The following SHLD1 variants were observed in gnomAD, a reference collection of about 807,000 sequenced individuals.
SHLD1 encodes the protein shieldin complex subunit 1.
A neutral mutation model predicts 5.5 loss-of-function variants in SHLD1; 3 were observed. The observed-to-expected ratio is 0.54, with a 90% CI of 0.25 to 1.40. The LOEUF (loss-of-function observed/expected upper bound fraction) is 1.40. SHLD1 is among the 40% of genes most tolerant of loss of function. The pLI, the probability that SHLD1 is intolerant of heterozygous loss-of-function variation, is 0.15. For synonymous variants in SHLD1, 92 were observed against 94.3 expected, an observed-to-expected ratio of 0.98 and a Z score of 0.14; for missense variants, 210 against 244.4, an observed-to-expected ratio of 0.86 and a Z score of 0.94.
chr20:5,788,609 T>C (rs919073319), intron 2 of SHLD1, among the ~76,000 whole-genome samples: 1 of 152,216 alleles, frequency 6.6e-6, no homozygotes, highest in Admixed American at 6.5e-5. Context: ...ACGTACCAGA[T>C]GTGTGTTAAA....
In SHLD1 at chr20:5,863,555, C is replaced by T; in HGVS notation, c.*92C>T. 7.7e-7 allele frequency: 1 copy of T among 1,297,946 alleles called. No homozygotes were observed. Among genetic ancestry groups the T allele is most frequent in the South Asian group, 1.4e-5 (1 of 69,826 alleles). The allele number at this position is 1,297,946 out of a possible 1,614,324, so 80.4% of individuals were successfully genotyped here. ...ACCCAGATCCCCTAGGGTCTCTGGC[C>T]AGCTCTGTGTGCCCAATCCCAATTA... On this transcript the variant is annotated 3_prime_UTR_variant, in exon 3 of 3. Coordinates refer to ENST00000303142, the MANE Select transcript of SHLD1 (RefSeq NM_152504.4).
intron 2 of SHLD1, among the ~76,000 whole-genome samples, chr20:5,814,469 T>C (rs1003422081): frequency 1.3e-5 from 2 of 152,142 alleles, no homozygotes; most frequent in Non-Finnish European, 2.9e-5. Flanking sequence ...TTAAATGTTC[T>C]AGAATTTAAA....
At chr20:5,844,799 A>ATTTTTTT (rs1161478171) in intron 2 of SHLD1, among the ~76,000 whole-genome samples, 15 of 71,714 alleles carry the variant, frequency 2.1e-4, no homozygotes, top group East Asian at 1.9e-3. Context: ...ATATATATAT[A>ATTTTTTT]TTTTTTTTTT....
intron 2 of SHLD1, among the ~76,000 whole-genome samples, chr20:5,833,092 A>G (rs2087748693): frequency 6.6e-6 from 1 of 152,160 alleles, no homozygotes; most frequent in Non-Finnish European, 1.5e-5. Context: ...TGCATACACC[A>G]TACAGTGCTA....
chr20:5,815,534 C>A (rs2087518361), intron 2 of SHLD1, among the ~76,000 whole-genome samples: 1 of 152,106 alleles, frequency 6.6e-6, no homozygotes, highest in Admixed American at 6.5e-5. Context: ...GTACAGCCTG[C>A]AAGCTAATAA....
intron 1 of SHLD1, among the ~76,000 whole-genome samples, chr20:5,764,208 T>TA (rs772401582): frequency 1.6e-5 from 1 of 61,920 alleles, no homozygotes; most frequent in African/African-American, 8.1e-5. Context: ...TATATATATA[T>TA]TTGTGTGTGT....
chr20:5,836,413 T>A (rs1026328646), intron 2 of SHLD1, among the ~76,000 whole-genome samples: 1 of 151,990 alleles, frequency 6.6e-6, no homozygotes, highest in Non-Finnish European at 1.5e-5. Flanking sequence ...CTTTTTAATG[T>A]CCCTGACCAG....
At chr20:5,752,456 G>A (rs1177947943) in intron 1 of SHLD1, among the ~76,000 whole-genome samples, 1 of 151,794 alleles carries the variant, frequency 6.6e-6, no homozygotes, top group Admixed American at 6.6e-5. Context: ...GGAAATTTAG[G>A]TGTCAGAATT....
At chr20:5,757,335 C>T (rs1195882264) in intron 1 of SHLD1, among the ~76,000 whole-genome samples, 1 of 151,950 alleles carries the variant, frequency 6.6e-6, no homozygotes, top group Non-Finnish European at 1.5e-5. Context: ...CCTTGACCTC[C>T]CAAAGTGCCT....
intron 2 of SHLD1, among the ~76,000 whole-genome samples, chr20:5,848,149 T>C (rs1019337472): frequency 1.4e-4 from 21 of 152,354 alleles, no homozygotes; most frequent in African/African-American, 4.6e-4. Flanking sequence ...ACTTTGCATA[T>C]TGAAAGTTAA....
At chr20:5,820,516 T>C (rs2087594714) in intron 2 of SHLD1, among the ~76,000 whole-genome samples, 2 of 152,190 alleles carry the variant, frequency 1.3e-5, no homozygotes, top group Non-Finnish European at 2.9e-5. Context: ...CACCCAGTGA[T>C]AGAACACCCA....
chr20:5,856,561 C>A (rs2088088345), intron 2 of SHLD1, among the ~76,000 whole-genome samples: 1 of 152,174 alleles, frequency 6.6e-6, no homozygotes, highest in Non-Finnish European at 1.5e-5. Flanking sequence ...CCCTCATATA[C>A]TAAAAATGAT....
intron 2 of SHLD1, among the ~76,000 whole-genome samples, chr20:5,808,281 G>A (rs973443939): frequency 4.1e-5 from 6 of 144,716 alleles, no homozygotes; most frequent in African/African-American, 1.3e-4. Flanking sequence ...AAAAAGAAAC[G>A]TAAAAGTCCT....
intron 1 of SHLD1, among the ~76,000 whole-genome samples, chr20:5,752,111 A>ATGGGC (rs1033248537): frequency 1.3e-5 from 2 of 152,056 alleles, no homozygotes; most frequent in Admixed American, 6.6e-5. Flanking sequence ...ATGACTAGAG[A>ATGGGC]TGGGCTGGGC....
chr20:5,763,026 G>A (rs186585300), intron 1 of SHLD1, among the ~76,000 whole-genome samples: 1 of 151,354 alleles, frequency 6.6e-6, no homozygotes, highest in African/African-American at 2.4e-5. Flanking sequence ...TGTGTCTGTG[G>A]CTGGGCACAG....
chr20:5,784,685 T>C lies in SHLD1; in HGVS notation c.178+11642T>C, dbSNP rs576389761. Among the ~76,000 whole-genome samples the C allele has an allele frequency of 8.3e-3, 1,266 of 151,948 alleles. 16 individuals carry two copies. Among genetic ancestry groups the C allele is most frequent in the African/African-American group, 0.026 (1,079 of 41,462 alleles). ...CAGGTTGGTCTCGATCGCCTGACCT[T>C]GTGATCCGCCCGCCTCAGCCTCCCA... On this transcript the variant is annotated intron_variant, in intron 2 of 2. Transcript: ENST00000303142.
chr20:5,854,749 A>C (rs532581819), intron 2 of SHLD1, among the ~76,000 whole-genome samples: 14 of 152,300 alleles, frequency 9.2e-5, no homozygotes, highest in Non-Finnish European at 1.6e-4. Context: ...GTTGTCAACC[A>C]GTCTCCAGAA....
At chr20:5,763,290 C>CAAAAAAAAAAAAA (rs57863188) in intron 1 of SHLD1, among the ~76,000 whole-genome samples, 1 of 58,118 alleles carries the variant, frequency 1.7e-5, no homozygotes, top group Non-Finnish European at 3.4e-5. Context: ...AACTCCATCT[C>CAAAAAAAAAAAAA]AAAAAAAAAA....
intron 2 of SHLD1, among the ~76,000 whole-genome samples, chr20:5,821,006 CCTT>C (rs1287583664): frequency 8.5e-5 from 13 of 152,204 alleles, no homozygotes; most frequent in African/African-American, 3.1e-4. Context: ...GCTTCCCAGT[CCTT>C]CTTTGATATC....
Sources: allele counts gnomAD v4.1 joint callset (sites outside exome capture counted in the v4.1 genomes callset), GRCh38; gene constraint gnomAD v4.1.1; transcripts MANE v1.5; gene names NCBI Gene and HGNC (gene_info 2026-07-23, HGNC 2026-07-21).